The following CSMD1 variants were observed in gnomAD, a reference collection of about 807,000 sequenced individuals.
The protein encoded by CSMD1 is CUB and Sushi multiple domains 1, also known as CUB and sushi domain-containing protein 1.
Under a neutral mutation model 417.5 loss-of-function variants are expected in CSMD1, and 213 were observed. That is an observed-to-expected ratio of 0.51 (90% confidence interval 0.46 to 0.57). CSMD1 has a LOEUF of 0.57. Among genes scored for constraint, CSMD1 ranks in the 20% least tolerant of loss-of-function variants. CSMD1 has a pLI of 0.00. For missense variants in CSMD1, 6,923 were observed against 4,529.7 expected, an observed-to-expected ratio of 1.53 and a Z score of -15.17; for synonymous variants, 2,862 against 1,736.8, an observed-to-expected ratio of 1.65 and a Z score of -16.11.
At chr8:4,096,014 G>T (rs1800987685) in intron 3 of CSMD1, among the ~76,000 whole-genome samples, 1 of 151,924 alleles carries the variant, frequency 6.6e-6, no homozygotes, top group Non-Finnish European at 1.5e-5. Context: ...CATAGGAAAG[G>T]ATAATAATTC....
At position 4,349,269 on chromosome 8, in the gene CSMD1, C is replaced by G. The variant is rs530675080; in HGVS notation, c.415+70684G>C. 8.5e-5 allele frequency among the ~76,000 whole-genome samples: 13 copies of G among 152,230 alleles called. No homozygotes were observed. In the South Asian group the frequency reaches 2.5e-3, roughly 29 times the overall value. On this transcript the variant is annotated intron_variant, in intron 3 of 69. Coordinates refer to ENST00000635120, the MANE Select transcript of CSMD1 (RefSeq NM_033225.6). ...GTATTTGGTACAGACCAGTGGTTTTCAAAAACAATTTTTGCAGCAGTGGAA... is the reference window on the plus strand; with the variant it reads ...GTATTTGGTACAGACCAGTGGTTTTGAAAAACAATTTTTGCAGCAGTGGAA...
At chr8:3,697,260 T>C (rs917203838) in intron 7 of CSMD1, among the ~76,000 whole-genome samples, 1 of 152,218 alleles carries the variant, frequency 6.6e-6, no homozygotes, top group Non-Finnish European at 1.5e-5. Context: ...TCTGTAATTC[T>C]GTAAGCACTC....
At chr8:4,271,025 G>T (rs919249492) in intron 3 of CSMD1, among the ~76,000 whole-genome samples, 2 of 152,180 alleles carry the variant, frequency 1.3e-5, no homozygotes, top group Non-Finnish European at 2.9e-5. Flanking sequence ...GTCCTAGTGG[G>T]AAGAGAGTTA....
chr8:4,840,530 G>T (rs1037761905), intron 1 of CSMD1, among the ~76,000 whole-genome samples: 2 of 152,164 alleles, frequency 1.3e-5, no homozygotes, highest in Non-Finnish European at 2.9e-5. Flanking sequence ...CTTGCTGAAG[G>T]AGCAGCTTTC....
intron 18 of CSMD1, among the ~76,000 whole-genome samples, chr8:3,378,156 G>C (rs1444834526): frequency 1.3e-5 from 2 of 152,178 alleles, no homozygotes; most frequent in East Asian, 3.8e-4. Context: ...TATTTTCTAG[G>C]TCACCTGCTG....
chr8:4,943,258 G>A (rs1004599309), intron 1 of CSMD1, among the ~76,000 whole-genome samples: 9 of 152,142 alleles, frequency 5.9e-5, no homozygotes, highest in South Asian at 2.1e-4. Flanking sequence ...CACTTTGGGC[G>A]GCCCAGGCGG....
At chr8:3,790,180 C>G (rs1475143120) in intron 5 of CSMD1, among the ~76,000 whole-genome samples, 1 of 152,136 alleles carries the variant, frequency 6.6e-6, no homozygotes, top group African/African-American at 2.4e-5. Flanking sequence ...AATACATAAT[C>G]AGAACTCTTT....
At chr8:3,203,837 C>T (rs570197016) in intron 31 of CSMD1, among the ~76,000 whole-genome samples, 14 of 152,256 alleles carry the variant, frequency 9.2e-5, no homozygotes, top group South Asian at 4.2e-4. Context: ...TTAATAATAT[C>T]GCTTCGCATT....
intron 2 of CSMD1, among the ~76,000 whole-genome samples, chr8:4,623,257 C>A (rs899483278): frequency 5.9e-5 from 9 of 152,176 alleles, no homozygotes; most frequent in Admixed American, 4.6e-4. Flanking sequence ...TATTGGTCAT[C>A]AGGGAAATGC....
Position 3,305,707 on chromosome 8 carries a change from A to G in CSMD1, c.3950+1988T>C, listed in dbSNP as rs569998433. Among the ~76,000 whole-genome samples the G allele has an allele frequency of 4.7e-4, 71 of 152,280 alleles. 1 individual carries two copies. Among genetic ancestry groups the G allele is most frequent in the South Asian group, 1.5e-3 (7 of 4,802 alleles). ...TGTAATATTCTTTTTCTTGAGACAC[A>G]GTCTCACTGTTGCCCAGGTTGGAGT... On this transcript the variant is annotated intron_variant, in intron 25 of 69. Coordinates refer to ENST00000635120, the MANE Select transcript of CSMD1 (RefSeq NM_033225.6).
chr8:4,776,761 G>A (rs373047235), intron 1 of CSMD1, among the ~76,000 whole-genome samples: 5 of 152,216 alleles, frequency 3.3e-5, no homozygotes, highest in East Asian at 3.9e-4. Context: ...TTATATTTTA[G>A]AAAAAGTTGT....
intron 3 of CSMD1, among the ~76,000 whole-genome samples, chr8:4,053,084 G>A (rs1427740544): frequency 2.6e-5 from 4 of 152,118 alleles, no homozygotes; most frequent in Non-Finnish European, 5.9e-5. Context: ...AAGGATGATT[G>A]GAATAAGAAG....
chr8:4,706,700 G>A (rs985141875), intron 1 of CSMD1, among the ~76,000 whole-genome samples: 1 of 152,140 alleles, frequency 6.6e-6, no homozygotes, highest in Non-Finnish European at 1.5e-5. Flanking sequence ...TGGCATGAAA[G>A]TCCAAAAAAC....
chr8:3,157,772 T>A, intron 39 of CSMD1, 125 bp downstream of exon 39: 1 of 730,552 alleles, frequency 1.4e-6, no homozygotes, highest in Non-Finnish European at 2.4e-6. Flanking sequence ...TTATGTGCTA[T>A]TAGTATATAA....
At chr8:4,950,757 A>G (rs1808687081) in intron 1 of CSMD1, among the ~76,000 whole-genome samples, 1 of 152,172 alleles carries the variant, frequency 6.6e-6, no homozygotes. Flanking sequence ...AGCATTATTT[A>G]TAAGTGGCAG....
intron 10 of CSMD1, among the ~76,000 whole-genome samples, chr8:3,573,395 G>C (rs1325028922): frequency 6.6e-6 from 1 of 152,154 alleles, no homozygotes; most frequent in Non-Finnish European, 1.5e-5. Flanking sequence ...CACTGTAGTT[G>C]ATGTCCCAGG....
intron 1 of CSMD1, among the ~76,000 whole-genome samples, chr8:4,736,671 T>C (rs1277208218): frequency 3.3e-5 from 5 of 152,280 alleles, no homozygotes; most frequent in African/African-American, 4.8e-5. Flanking sequence ...TGCATAACTT[T>C]TGAGAAGATA....
At chr8:4,239,792 C>A (rs1256447920) in intron 3 of CSMD1, among the ~76,000 whole-genome samples, 3 of 152,140 alleles carry the variant, frequency 2.0e-5, no homozygotes, top group African/African-American at 7.2e-5. Context: ...GTTCCATTCT[C>A]ACAGAAAAGG....
intron 5 of CSMD1, among the ~76,000 whole-genome samples, chr8:3,974,033 G>A (rs1044393622): frequency 6.6e-6 from 1 of 152,150 alleles, no homozygotes; most frequent in Non-Finnish European, 1.5e-5. Context: ...AAAATGTAGA[G>A]TGAAGTTATC....
Sources: allele counts gnomAD v4.1 joint callset (sites outside exome capture counted in the v4.1 genomes callset), GRCh38; gene constraint gnomAD v4.1.1; transcripts MANE v1.5; gene names NCBI Gene and HGNC (gene_info 2026-07-23, HGNC 2026-07-21).